Variants in CDK5RAP2 observed in about 807,000 individuals in gnomAD.
CDK5RAP2 encodes the protein CDK5 regulatory subunit associated protein 2.
A neutral mutation model predicts 232.9 loss-of-function variants in CDK5RAP2; 147 were observed. The ratio of observed to expected loss-of-function variants is 0.63; its 90% confidence interval spans 0.55 to 0.72. The LOEUF is 0.72. Among genes scored for constraint, CDK5RAP2 ranks in the 30% least tolerant of loss-of-function variants. CDK5RAP2 has a pLI of 0.00. For missense variants in CDK5RAP2, 2,195 were observed against 2,231.5 expected (o/e 0.98, Z 0.33); for synonymous variants, 833 against 833.7 (o/e 1.00, Z 0.01).
At chr9:120,567,040 C>T (rs1284649215) in intron 3 of CDK5RAP2, among the ~76,000 whole-genome samples, 1 of 152,218 alleles carries the variant, frequency 6.6e-6, no homozygotes, top group Non-Finnish European at 1.5e-5. Flanking sequence ...GAGCTTAGCA[C>T]TTAAAGTACC....
chr9:120,455,115 A>G (rs1352066495), intron 20 of CDK5RAP2, among the ~76,000 whole-genome samples: 1 of 152,150 alleles, frequency 6.6e-6, no homozygotes, highest in African/African-American at 2.4e-5. Flanking sequence ...TCCCAGGAGG[A>G]CATGGACTGG....
Position 120,509,388 on chromosome 9 carries a change from G to A in CDK5RAP2, c.1311+9039C>T, listed in dbSNP as rs115468352. 5.7e-3 allele frequency among the ~76,000 whole-genome samples: 861 copies of A among 152,298 alleles called. 11 individuals carry two copies. The highest frequency in any genetic ancestry group is 0.02 in the African/African-American group (821 of 41,546). On this transcript the variant is annotated intron_variant, in intron 12 of 37. Coordinates refer to ENST00000349780, the MANE Select transcript of CDK5RAP2 (RefSeq NM_018249.6). ...GAAAAGAAGGAATCGGATACACTGA[G>A]CATCAACTTCTCTGTGCCAGGAACC...
intron 8 of CDK5RAP2, 166 bp from the exon 9 acceptor site, chr9:120,528,963 C>T: frequency 1.5e-6 from 1 of 647,164 alleles, no homozygotes; most frequent in South Asian, 1.8e-5. Flanking sequence ...CAAAGCCCTG[C>T]CTGATTTGAA....
chr9:120,511,206 T>C (rs1442798402), intron 12 of CDK5RAP2, among the ~76,000 whole-genome samples: 1 of 152,216 alleles, frequency 6.6e-6, no homozygotes, highest in Non-Finnish European at 1.5e-5. Flanking sequence ...GTTGTTGGCA[T>C]GAGCAAAGGA....
chr9:120,477,508 T>C, intron 14 of CDK5RAP2, 58 bp from the exon 15 acceptor site: 2 of 1,262,956 alleles, frequency 1.6e-6, no homozygotes, highest in Non-Finnish European at 2.3e-6. Flanking sequence ...AGTACATCCT[T>C]ATATTATGCA....
chr9:120,526,172 A>C (rs2040890659), intron 10 of CDK5RAP2, among the ~76,000 whole-genome samples: 1 of 152,166 alleles, frequency 6.6e-6, no homozygotes, highest in Admixed American at 6.5e-5. Flanking sequence ...CACACCTATA[A>C]ACAGGGAGTC....
At chr9:120,450,723 T>C (rs950274947) in intron 21 of CDK5RAP2, among the ~76,000 whole-genome samples, 1 of 152,224 alleles carries the variant, frequency 6.6e-6, no homozygotes, top group Non-Finnish European at 1.5e-5. Context: ...AAACTCTGCA[T>C]TCCCAGAACT....
chr9:120,497,219 C>T (rs1195088702), intron 12 of CDK5RAP2, among the ~76,000 whole-genome samples: 1 of 131,820 alleles, frequency 7.6e-6, no homozygotes, highest in Admixed American at 7.4e-5. Flanking sequence ...GCAGCATGCT[C>T]GTTAAGAGTC....
chr9:120,434,648 C>T (rs998781877), intron 25 of CDK5RAP2, among the ~76,000 whole-genome samples: 2 of 151,892 alleles, frequency 1.3e-5, no homozygotes, highest in East Asian at 1.9e-4. Flanking sequence ...GGATGGAAGA[C>T]GTGCAGAAGG....
In CDK5RAP2 at chr9:120,527,855, T is replaced by A; in HGVS notation, c.950A>T (p.Asp317Val). ...CATGGTTAAACCCTGAATGGCTTTA[T>A]CCCTCTTTAGACTATTTTTCTTCTC... is the stretch of plus-strand genomic sequence containing the variant. ...ATEKKNSLKR[D>V]KAIQGLTMAL... The change falls in exon 10 of 38, where the codon GAT (aspartate) becomes GTT (valine). Residue 317 changes from aspartate to valine, a missense_variant. Transcript: ENST00000349780. 1.9e-6 allele frequency: 3 copies of A among 1,613,682 alleles called. No homozygotes were observed. The highest frequency in any genetic ancestry group is 2.5e-6 in the Non-Finnish European group (3 of 1,179,696).
intron 21 of CDK5RAP2, among the ~76,000 whole-genome samples, chr9:120,450,777 A>G (rs1015997417): frequency 7.9e-5 from 12 of 152,236 alleles, no homozygotes; most frequent in Admixed American, 7.8e-4. Flanking sequence ...CAGATGAAGA[A>G]CCGAGATGTC....
intron 12 of CDK5RAP2, among the ~76,000 whole-genome samples, chr9:120,515,000 T>C (rs963055349): frequency 6.6e-6 from 1 of 151,988 alleles, no homozygotes; most frequent in African/African-American, 2.4e-5. Flanking sequence ...CAATTTCAAA[T>C]GATTACAAAG....
chr9:120,554,671 T>C (rs1483536498), intron 3 of CDK5RAP2, among the ~76,000 whole-genome samples: 5 of 152,180 alleles, frequency 3.3e-5, no homozygotes, highest in African/African-American at 1.2e-4. Flanking sequence ...TCTCACTCTG[T>C]CACCCAGGCT....
Position 120,530,083 on chromosome 9 carries a change from A to G in CDK5RAP2, c.720T>C (p.Leu240=), listed in dbSNP as rs2041081596. 1 of 1,613,944 alleles carries G rather than the reference A, an allele frequency of 6.2e-7. No homozygotes were observed. Among genetic ancestry groups the G allele is most frequent in the African/African-American group, 1.3e-5 (1 of 75,028 alleles). The change falls in exon 8 of 38, where the codon CTT becomes CTC. Residue 240 remains leucine, a synonymous_variant. Transcript: ENST00000349780. ...ATGCCATCTGAGATTTCTCCTCTTT[A>G]AGGCACTGAATTAAAGCTTCTTTGC... ...LKSKEALIQC[L]KEEKSQMACP...
At chr9:120,425,320 A>C (rs1012652210) in intron 25 of CDK5RAP2, among the ~76,000 whole-genome samples, 1 of 152,236 alleles carries the variant, frequency 6.6e-6, no homozygotes, top group African/African-American at 2.4e-5. Flanking sequence ...CAGGGAGATC[A>C]CAACAACTAA....
intron 25 of CDK5RAP2, among the ~76,000 whole-genome samples, chr9:120,431,951 T>C (rs143337992): frequency 1.0e-3 from 156 of 152,210 alleles, no homozygotes; most frequent in African/African-American, 3.5e-3. Context: ...CCCAGAAAAA[T>C]GTACATTGCA....
At position 120,403,748 on chromosome 9, in the gene CDK5RAP2, AC is replaced by A. The variant is rs1425824502; in HGVS notation, c.5041+287del. The A allele has an allele frequency of 2.1e-6, 1 of 479,070 alleles. No homozygotes were observed. Among genetic ancestry groups the A allele is most frequent in the African/African-American group, 2.0e-5 (1 of 50,866 alleles). 29.7% of individuals were successfully genotyped at this position (479,070 alleles called of 1,614,324 possible). A position where few individuals can be genotyped will look rare whatever the true frequency, so the allele number is the denominator to read the frequency against. ...CAGGTTAAGGGATAAGGCTGGACGG[AC>A]CCACTGGAGCTGGATCCTGGAGGGC... On this transcript the variant is annotated intron_variant, in intron 33 of 37. Transcript: ENST00000349780. The surrounding 1 kb of genome is among the most constrained non-coding windows in gnomAD (Gnocchi z 4.2).
At position 120,439,385 on chromosome 9, in the gene CDK5RAP2, G is replaced by T. The variant is rs748675436; in HGVS notation, c.3722+14C>A. 6.2e-7 allele frequency: 1 copy of T among 1,608,392 alleles called. No homozygotes were observed. Among genetic ancestry groups the T allele is most frequent in the Non-Finnish European group, 8.5e-7 (1 of 1,175,180 alleles). ...TACAGGCTTAAACGGGGAGACGGCAGAGGTGGAACGTACCTGGGAGGTGAG... is the reference window on the plus strand; with the variant it reads ...TACAGGCTTAAACGGGGAGACGGCATAGGTGGAACGTACCTGGGAGGTGAG... On this transcript the variant is annotated intron_variant, in intron 24 of 37. Coordinates refer to ENST00000349780, the MANE Select transcript of CDK5RAP2 (RefSeq NM_018249.6).
chr9:120,447,788 T>C, intron 22 of CDK5RAP2, 107 bp downstream of exon 22: 1 of 866,678 alleles, frequency 1.2e-6, no homozygotes, highest in Non-Finnish European at 2.0e-6. Flanking sequence ...ATTCATGAAA[T>C]TTATACTCAA....
Sources: gnomAD v4.1 joint callset for allele counts (sites outside exome capture counted in the v4.1 genomes callset) on GRCh38, gnomAD v4.1.1 for gene constraint, Gnocchi (gnomAD v3.1) non-coding constraint, MANE v1.5 for transcripts, NCBI Gene and HGNC (gene_info 2026-07-23, HGNC 2026-07-21) for gene names.